FRMD4A: variants seen among roughly 807,000 people sequenced by gnomAD.
FRMD4A encodes FERM domain containing 4A.
FRMD4A carries 29 observed loss-of-function variants against 129.1 expected under a neutral mutation model. That is an observed-to-expected ratio of 0.22 (90% CI 0.17 to 0.31). The LOEUF is 0.31. FRMD4A is among the 10% of genes least tolerant of loss of function. FRMD4A has a pLI of 1.00. For synonymous variants in FRMD4A, 634 were observed against 571.6 expected (o/e 1.11, Z -1.56); for missense variants, 1,272 against 1,375.8 (o/e 0.92, Z 1.19).
rs1327010 is a variant in FRMD4A at position 14,156,760 on chromosome 10, G to A, written c.45+173298C>T. ...AAACACTTTAATGGGAACCTTAGAC[G>A]CTTCCACAGACTCCTGGCTGTTCCT... On this transcript the variant is annotated intron_variant, in intron 2 of 24. Coordinates refer to ENST00000357447, the MANE Select transcript of FRMD4A (RefSeq NM_018027.5). Among the ~76,000 whole-genome samples, 1,346 of 152,270 alleles carry A rather than the reference G, an allele frequency of 8.8e-3. 14 individuals are homozygous for A. The highest frequency in any genetic ancestry group is 0.018 in the Admixed American group (272 of 15,304).
chr10:13,718,264 G>C (rs2089049208), intron 12 of FRMD4A, among the ~76,000 whole-genome samples: 1 of 152,256 alleles, frequency 6.6e-6, no homozygotes, highest in African/African-American at 2.4e-5. Flanking sequence ...CATCAGGCCA[G>C]GGGTTTGTGG....
rs375726968 is a variant in FRMD4A, at chr10:14,225,017, C to T, written c.45+105041G>A. Among the ~76,000 whole-genome samples the T allele has an allele frequency of 6.6e-5, 10 of 152,170 alleles. No homozygotes were observed. The East Asian group carries it at 1.9e-3, about 29-fold the overall frequency. On this transcript the variant is annotated intron_variant, in intron 2 of 24. Coordinates refer to ENST00000357447, the MANE Select transcript of FRMD4A (RefSeq NM_018027.5). ...GTACAACATCTGAACTCTAAAAATC[C>T]CTAAAAATGCAAGTGTCCCCCATAG...
chr10:13,892,891 G>A (rs1490859138), intron 2 of FRMD4A, among the ~76,000 whole-genome samples: 1 of 152,148 alleles, frequency 6.6e-6, no homozygotes, highest in East Asian at 1.9e-4. Context: ...TCCAGTCACA[G>A]GTCCTGTGTT....
chr10:14,112,037 A>T (rs2131796721), intron 2 of FRMD4A, among the ~76,000 whole-genome samples: 1 of 151,722 alleles, frequency 6.6e-6, no homozygotes, highest in East Asian at 1.9e-4. Context: ...GGAAAAAGAC[A>T]AACAGAATGA....
chr10:14,261,263 A>T (rs556510209), intron 2 of FRMD4A, among the ~76,000 whole-genome samples: 1 of 152,324 alleles, frequency 6.6e-6, no homozygotes, highest in South Asian at 2.1e-4. Context: ...GATCACCATT[A>T]TATTTGCTTA....
intron 2 of FRMD4A, among the ~76,000 whole-genome samples, chr10:13,991,056 C>A (rs2095601489): frequency 6.6e-6 from 1 of 152,204 alleles, no homozygotes; most frequent in South Asian, 2.1e-4. Context: ...AAGCTGCTCT[C>A]TGAAAGCCGC....
chr10:13,984,004 A>G (rs1175504360), intron 2 of FRMD4A, among the ~76,000 whole-genome samples: 8 of 150,992 alleles, frequency 5.3e-5, no homozygotes, highest in Non-Finnish European at 1.2e-4. Context: ...CTCTGTCTCA[A>G]AAAAAAAACA....
intron 1 of FRMD4A, 128 bp from the exon 2 acceptor site, chr10:14,330,311 A>AT (rs1843468843): frequency 1.9e-6 from 1 of 539,674 alleles, no homozygotes; most frequent in Non-Finnish European, 3.3e-6. Flanking sequence ...AGGGAGGAAA[A>AT]AAAAAAAAAG....
At chr10:14,067,834 C>T (rs1488973028) in intron 2 of FRMD4A, among the ~76,000 whole-genome samples, 1 of 152,008 alleles carries the variant, frequency 6.6e-6, no homozygotes. Flanking sequence ...AAACAAAAAA[C>T]AAACAAAAAA....
intron 5 of FRMD4A, among the ~76,000 whole-genome samples, chr10:13,788,436 A>G (rs1234828545): frequency 2.0e-5 from 3 of 152,226 alleles, no homozygotes; most frequent in South Asian, 2.1e-4. Flanking sequence ...CGGCTCCCCA[A>G]TGCCTCCCAC....
At chr10:14,237,725 G>T (rs1162553574) in intron 2 of FRMD4A, among the ~76,000 whole-genome samples, 1 of 152,196 alleles carries the variant, frequency 6.6e-6, no homozygotes, top group Non-Finnish European at 1.5e-5. Context: ...GACCAAATAA[G>T]ATAATATGAG....
At chr10:14,208,545 C>G (rs1033458569) in intron 2 of FRMD4A, among the ~76,000 whole-genome samples, 3 of 152,138 alleles carry the variant, frequency 2.0e-5, no homozygotes, top group Non-Finnish European at 4.4e-5. Flanking sequence ...GGAGGGGACT[C>G]TGCGAACCTC....
rs772440709 is a variant in FRMD4A, at chr10:14,218,826, G to A, written c.45+111232C>T. Among the ~76,000 whole-genome samples, 24 of 151,794 alleles carry A rather than the reference G, an allele frequency of 1.6e-4. No individual in the cohort carries two copies. In the East Asian group the frequency reaches 1.9e-3, roughly 12 times the overall value. ...AAAAATTAGCCGGGTGTGGTGGTGG[G>A]CACCTGTAATCCCAGCTATTTGGGA... On this transcript the variant is annotated intron_variant, in intron 2 of 24. Coordinates refer to ENST00000357447, the MANE Select transcript of FRMD4A (RefSeq NM_018027.5).
At chr10:13,945,637 G>A (rs536190930) in intron 2 of FRMD4A, among the ~76,000 whole-genome samples, 9 of 152,086 alleles carry the variant, frequency 5.9e-5, no homozygotes, top group African/African-American at 2.2e-4. Flanking sequence ...GTTCAAATTC[G>A]AACTGGTTTC....
At chr10:13,874,592 T>C (rs2094471281) in intron 2 of FRMD4A, among the ~76,000 whole-genome samples, 1 of 152,154 alleles carries the variant, frequency 6.6e-6, no homozygotes, top group Non-Finnish European at 1.5e-5. Flanking sequence ...ATAATGGGAA[T>C]TACTATATTA....
chr10:13,695,519 C>T (rs768264703), intron 14 of FRMD4A, among the ~76,000 whole-genome samples: 4 of 152,208 alleles, frequency 2.6e-5, no homozygotes, highest in Admixed American at 6.5e-5. Context: ...ATTTCCCACA[C>T]GTGTGTCCAA....
At chr10:14,184,916 C>CG (rs1455882556) in intron 2 of FRMD4A, among the ~76,000 whole-genome samples, 2 of 152,166 alleles carry the variant, frequency 1.3e-5, no homozygotes, top group Non-Finnish European at 2.9e-5. Flanking sequence ...CAAACAAACG[C>CG]GACCGCTAAA....
intron 2 of FRMD4A, among the ~76,000 whole-genome samples, chr10:13,886,945 G>C (rs1302999370): frequency 6.6e-6 from 1 of 152,212 alleles, no homozygotes; most frequent in East Asian, 1.9e-4. Context: ...GGAGCAAAAA[G>C]GAACATGTGA....
At chr10:13,689,436 G>T (rs529216580) in intron 15 of FRMD4A, among the ~76,000 whole-genome samples, 2 of 151,770 alleles carry the variant, frequency 1.3e-5, no homozygotes, top group African/African-American at 2.4e-5. Flanking sequence ...TCATACCAGT[G>T]TGACAAAGGC....
Sources: allele counts gnomAD v4.1 joint callset (sites outside exome capture counted in the v4.1 genomes callset), GRCh38; gene constraint gnomAD v4.1.1; transcripts MANE v1.5; gene names NCBI Gene and HGNC (gene_info 2026-07-23, HGNC 2026-07-21).